WBP2NL: variants seen among roughly 807,000 people sequenced by gnomAD.
WBP2NL encodes WBP2 N-terminal like.
Under a neutral mutation model 23.3 loss-of-function variants are expected in WBP2NL, and 27 were observed. The ratio of observed to expected loss-of-function variants is 1.16; its 90% CI spans 0.85 to 1.60. The LOEUF is 1.60. WBP2NL is among the 40% of genes most tolerant of loss of function. WBP2NL has a pLI of 0.00. For synonymous variants in WBP2NL, 151 were observed against 145.9 expected (o/e 1.03, Z -0.25); for missense variants, 370 against 389.5 (o/e 0.95, Z 0.42).
At chr22:42,026,640 G>A (rs1276433977) in intron 5 of WBP2NL, 126 bp from the exon 6 acceptor site, 3 of 1,429,534 alleles carry the variant, frequency 2.1e-6, no homozygotes, top group South Asian at 1.4e-5. Context: ...AATAGCTTTA[G>A]CATTATTCTG....
rs1416510537 is a variant in WBP2NL at position 42,028,092 on chromosome 22, A to C, written c.*911A>C. On this transcript the variant is annotated 3_prime_UTR_variant, in exon 6 of 6. Coordinates refer to ENST00000328823, the MANE Select transcript of WBP2NL (RefSeq NM_152613.3). The stretch of plus-strand genomic sequence containing the variant: ...TGTGTGCACAAAGATGCATGTGGGA[A>C]GATTTCATTATATTCATTGTTTCTA... 2.5e-6 allele frequency: 1 copy of C among 398,402 alleles called. No individual in the cohort carries two copies. Among genetic ancestry groups the C allele is most frequent in the Non-Finnish European group, 4.4e-6 (1 of 226,026 alleles). 24.7% of individuals were successfully genotyped at this position (398,402 alleles called of 1,614,324 possible).
At chr22:42,035,004 A>G (rs1850105730), downstream of WBP2NL, among the ~76,000 whole-genome samples, 1 of 152,242 alleles carries the variant, frequency 6.6e-6, no homozygotes. Context: ...TCCTGAGACG[A>G]TACACATCCT....
intron 8 of WBP2NL, among the ~76,000 whole-genome samples, chr22:42,044,130 G>A (rs1457678271): frequency 1.3e-5 from 2 of 152,188 alleles, no homozygotes; most frequent in African/African-American, 2.4e-5. Flanking sequence ...TTACCCAAAT[G>A]AGCCTTGCTC....
chr22:42,023,730 T>A (rs1353982964), intron 5 of WBP2NL, among the ~76,000 whole-genome samples: 1 of 151,218 alleles, frequency 6.6e-6, no homozygotes. Context: ...CTCCTGACCT[T>A]GTGATCCGCC....
chr22:42,001,409 C>G (rs376923425), intron 1 of WBP2NL: 14 of 742,662 alleles, frequency 1.9e-5, no homozygotes, highest in Non-Finnish European at 3.1e-5. Context: ...GCAGGCAGCT[C>G]GGTAGATAAT....
chr22:42,002,424 A>G (rs1921796521), intron 1 of WBP2NL, among the ~76,000 whole-genome samples: 1 of 152,086 alleles, frequency 6.6e-6, no homozygotes, highest in Non-Finnish European at 1.5e-5. Flanking sequence ...TCCCTACTAA[A>G]AATACAAAAA....
At chr22:42,039,867 G>A (rs932547529) in intron 8 of WBP2NL, among the ~76,000 whole-genome samples, 8 of 146,886 alleles carry the variant, frequency 5.4e-5, no homozygotes, top group Non-Finnish European at 1.2e-4. Context: ...TTTGGGTCGA[G>A]TTTGTTCCTC....
chr22:42,021,947 C>T (rs1924017395), intron 4 of WBP2NL, among the ~76,000 whole-genome samples: 1 of 152,006 alleles, frequency 6.6e-6, no homozygotes. Flanking sequence ...CAGGCATGCA[C>T]CACCATGCCT....
At chr22:42,053,367 C>T (rs937226411) in intron 8 of WBP2NL, among the ~76,000 whole-genome samples, 5 of 152,148 alleles carry the variant, frequency 3.3e-5, no homozygotes, top group Middle Eastern at 3.2e-3. Context: ...TATGGTAACT[C>T]TGTTTAACAT....
intron 1 of WBP2NL, chr22:42,003,551 G>A (rs1921915851): frequency 6.6e-6 from 1 of 151,904 alleles, no homozygotes; most frequent in Admixed American, 6.6e-5. Context: ...TTTAAAAAAA[G>A]AAAAATCCGA....
At chr22:42,037,964 C>T (rs886908959) in intron 8 of WBP2NL, among the ~76,000 whole-genome samples, 2 of 151,932 alleles carry the variant, frequency 1.3e-5, no homozygotes, top group Non-Finnish European at 2.9e-5. Context: ...TTGGAAGCCT[C>T]TGTTTTTCTT....
At chr22:42,023,707 G>T (rs1198424899) in intron 5 of WBP2NL, among the ~76,000 whole-genome samples, 2 of 151,722 alleles carry the variant, frequency 1.3e-5, no homozygotes, top group East Asian at 3.9e-4. Context: ...GTGTTAGCCA[G>T]GATGGTCTCG....
rs9607871 is a variant in WBP2NL at position 42,040,318 on chromosome 22, G to C, written c.*273+9495G>C. 2.4e-3 allele frequency among the ~76,000 whole-genome samples: 364 copies of C among 151,530 alleles called. 1 individual carries two copies. The highest frequency in any genetic ancestry group is 8.4e-3 in the African/African-American group (348 of 41,224). Reference sequence around the variant, plus strand: ...GCTCACTGCAACCTCCGCCTCCTGGGTTCAAGTAATTCTCCTGCCTCAGCC... The same window carrying C: ...GCTCACTGCAACCTCCGCCTCCTGGCTTCAAGTAATTCTCCTGCCTCAGCC... On this transcript the variant is annotated intron_variant and NMD_transcript_variant, in intron 8 of 8. Coordinates refer to the WBP2NL transcript ENST00000436265.
chr22:41,998,905 C>G (rs750900022), intron 1 of WBP2NL, 25 bp downstream of exon 1: 2 of 1,602,376 alleles, frequency 1.2e-6, no homozygotes, highest in East Asian at 4.5e-5. Context: ...GCACGGCGTG[C>G]TGTCGGAGGA....
At position 42,006,282 on chromosome 22, in the gene WBP2NL, A is replaced by G. The variant is rs1030789161; in HGVS notation, c.62+7402A>G. On this transcript the variant is annotated intron_variant, in intron 1 of 5. Coordinates refer to ENST00000328823, the MANE Select transcript of WBP2NL (RefSeq NM_152613.3). ...GTCACCCAGGCTGGAGTGCAGTGGC[A>G]CGATCTCCGCTCACTGCAAGCTCTG... Among the ~76,000 whole-genome samples, 73 of 148,396 alleles carry G rather than the reference A, an allele frequency of 4.9e-4. 1 individual carries two copies. The highest frequency in any genetic ancestry group is 1.2e-4 in the Non-Finnish European group (8 of 67,582).
intron 1 of WBP2NL, chr22:42,001,283 G>A (rs765874816): frequency 2.0e-5 from 14 of 688,976 alleles, no homozygotes; most frequent in African/African-American, 3.5e-5. Context: ...AAATGAATAG[G>A]AAGTCAACCC....
intron 4 of WBP2NL, among the ~76,000 whole-genome samples, chr22:42,020,601 C>G (rs553954906): frequency 1.2e-4 from 19 of 152,060 alleles, no homozygotes; most frequent in African/African-American, 4.3e-4. Flanking sequence ...AGTCTTTTGT[C>G]CATTTAAACA....
At chr22:42,000,999 A>G in intron 1 of WBP2NL, 2 of 542,192 alleles carry the variant, frequency 3.7e-6, no homozygotes, top group Non-Finnish European at 6.5e-6. Context: ...TCTCAAAAAA[A>G]AAGAATGCTC....
chr22:42,049,598 G>A (rs1467226547), intron 8 of WBP2NL, among the ~76,000 whole-genome samples: 1 of 149,928 alleles, frequency 6.7e-6, no homozygotes, highest in Admixed American at 6.7e-5. Context: ...GCTGAGGCAG[G>A]AGAATGGCAT....
Sources: gnomAD v4.1 joint callset for allele counts (sites outside exome capture counted in the v4.1 genomes callset) on GRCh38, gnomAD v4.1.1 for gene constraint, MANE v1.5 for transcripts, NCBI Gene and HGNC (gene_info 2026-07-23, HGNC 2026-07-21) for gene names.